KIAA0586: variants seen among roughly 807,000 people sequenced by gnomAD.
The protein encoded by KIAA0586 is protein TALPID3.
A neutral mutation model predicts 169.8 loss-of-function variants in KIAA0586; 144 were observed. That is an observed-to-expected ratio of 0.85 (90% CI 0.74 to 0.97). The LOEUF (loss-of-function observed/expected upper bound fraction) is 0.97. Ranked by LOEUF, KIAA0586 falls within the 50% of genes least tolerant of loss-of-function variation. The pLI is 0.00. For missense variants in KIAA0586, 1,854 were observed against 1,823.0 expected (o/e 1.02, Z -0.31); for synonymous variants, 625 against 612.4 (o/e 1.02, Z -0.30).
chr14:58,448,433 G>A lies in KIAA0586; in HGVS notation c.901G>A (p.Glu301Lys), dbSNP rs1489636451. The A allele has an allele frequency of 1.2e-6, 2 of 1,612,410 alleles. No individual in the cohort carries two copies. The highest frequency in any genetic ancestry group is 1.7e-6 in the Non-Finnish European group (2 of 1,178,790). Residue 301 changes from glutamate to lysine, a missense_variant, in exon 7 of 31, where the codon GAA (glutamate) becomes AAA (lysine). Transcript: ENST00000652326. ...RAVEKYSVKP[E>K]HPNLGSCNPS... ...AGTGGAAAAGTATTCCGTAAAACCAGAACACCCTAATCTTGGTAGCTGTAA... is the reference window on the plus strand; with the variant it reads ...AGTGGAAAAGTATTCCGTAAAACCAAAACACCCTAATCTTGGTAGCTGTAA...
intron 2 of KIAA0586, among the ~76,000 whole-genome samples, chr14:58,430,398 CAG>C (rs1010713942): frequency 2.0e-5 from 3 of 152,160 alleles, no homozygotes; most frequent in African/African-American, 7.2e-5. Context: ...GTCTGAATCT[CAG>C]TGCTACATTT....
chr14:58,432,250 C>T, intron 3 of KIAA0586, 138 bp from the exon 4 acceptor site: 2 of 583,654 alleles, frequency 3.4e-6, no homozygotes, highest in South Asian at 4.6e-5. Context: ...TAATTTGTTC[C>T]TTGTCCTTTT....
chr14:58,493,340 C>G (rs2042945847), intron 26 of KIAA0586, among the ~76,000 whole-genome samples: 1 of 152,088 alleles, frequency 6.6e-6, no homozygotes, highest in African/African-American at 2.4e-5. Flanking sequence ...TGTGGGGAAA[C>G]TAATGAGTTT....
downstream of KIAA0586, among the ~76,000 whole-genome samples, chr14:58,555,424 A>G (rs147023691): frequency 3.7e-4 from 56 of 152,222 alleles, no homozygotes; most frequent in East Asian, 2.5e-3. Flanking sequence ...TCATCAAGGA[A>G]CAGGTTCTAT....
intron 7 of KIAA0586, among the ~76,000 whole-genome samples, 152 bp downstream of exon 7, chr14:58,448,645 A>G (rs2039107219): frequency 6.6e-6 from 1 of 152,020 alleles, no homozygotes; most frequent in Admixed American, 6.6e-5. Context: ...AATTTTTTTA[A>G]ATGTTCTTTT....
rs368984896 is a variant in KIAA0586, at chr14:58,474,708, G to T, written c.2736G>T (p.Pro912=). The part of the protein sequence containing the change: ...DSTKYNGPPF[P]PVASTFQPTA... The stretch of plus-strand genomic sequence containing the variant: ...CAAAATATAATGGTCCTCCATTTCC[G>T]CCAGTTGCTTCTACTTTTCAGCCCA... The change falls in exon 19 of 31, where the codon CCG becomes CCT. Residue 912 remains proline (P), a synonymous_variant. Coordinates refer to ENST00000652326, the MANE Select transcript of KIAA0586 (RefSeq NM_001329943.3). The T allele has an allele frequency of 3.1e-6, 5 of 1,613,228 alleles. No homozygotes were observed. Among genetic ancestry groups the T allele is most frequent in the South Asian group, 1.1e-5 (1 of 91,038 alleles).
At chr14:58,507,292 C>A (rs955502624) in intron 27 of KIAA0586, among the ~76,000 whole-genome samples, 54 of 139,888 alleles carry the variant, frequency 3.9e-4, no homozygotes, top group Non-Finnish European at 6.4e-4. Flanking sequence ...ATATATATAT[C>A]ATGTGTATGA....
Position 58,482,711 on chromosome 14 carries a change from C to A in KIAA0586, c.3143C>A (p.Pro1048Gln). ...GDASTNETYL[P>Q]ARVCTPLPTP... ...GCTTCAACAAATGAAACATATTTGC[C>A]GGTATGGGGAATTTTTGAGACATTT... The change falls in exon 21 of 31, where the codon CCG (proline) becomes CAG (glutamine). Residue 1048 changes from proline to glutamine, a missense_variant and splice_region_variant. Transcript: ENST00000652326. 1 of 1,539,758 alleles carries A rather than the reference C, an allele frequency of 6.5e-7. No homozygotes were observed. The highest frequency in any genetic ancestry group is 8.8e-7 in the Non-Finnish European group (1 of 1,141,856).
At chr14:58,505,185 T>C (rs1307492907) in intron 27 of KIAA0586, among the ~76,000 whole-genome samples, 1 of 152,200 alleles carries the variant, frequency 6.6e-6, no homozygotes, top group Non-Finnish European at 1.5e-5. Context: ...GTATGTGTGA[T>C]TGCCATTATT....
intron 28 of KIAA0586, among the ~76,000 whole-genome samples, chr14:58,510,019 A>G (rs1328045635): frequency 6.6e-6 from 1 of 152,184 alleles, no homozygotes; most frequent in African/African-American, 2.4e-5. Context: ...AAAATGAACA[A>G]TAGATTTGGA....
rs189596193 is a variant in KIAA0586, at chr14:58,438,518, C to A, written c.411-4188C>A. On this transcript the variant is annotated intron_variant, in intron 4 of 30. Transcript: ENST00000652326. Reference sequence around the variant, plus strand: ...AAAGAAGTCCTGCTACCATTCCCAACCCCAGGTTGCTTACAGCTTAATTGG... The same window carrying A: ...AAAGAAGTCCTGCTACCATTCCCAAACCCAGGTTGCTTACAGCTTAATTGG... 3.9e-5 allele frequency among the ~76,000 whole-genome samples: 6 copies of A among 152,258 alleles called. 1 individual carries two copies. The East Asian group carries it at 1.2e-3, about 29-fold the overall frequency.
intron 29 of KIAA0586, among the ~76,000 whole-genome samples, chr14:58,526,594 A>T (rs1212077973): frequency 6.6e-6 from 1 of 152,220 alleles, no homozygotes; most frequent in African/African-American, 2.4e-5. Flanking sequence ...ATCCACAAAG[A>T]TGAGGAAAAA....
the KIAA0586 span, among the ~76,000 whole-genome samples, chr14:58,561,979 C>A: frequency 6.6e-6 from 1 of 152,208 alleles, no homozygotes; most frequent in East Asian, 1.9e-4. Context: ...GGGACTCCAA[C>A]TTTCCTTGGG....
At chr14:58,502,808 C>T (rs2043667328) in intron 27 of KIAA0586, among the ~76,000 whole-genome samples, 1 of 152,142 alleles carries the variant, frequency 6.6e-6, no homozygotes, top group Non-Finnish European at 1.5e-5. Flanking sequence ...CCTCTTGTTT[C>T]AAGATTTTCT....
At chr14:58,487,228 T>A in intron 22 of KIAA0586, 62 bp downstream of exon 22, 2 of 1,364,930 alleles carry the variant, frequency 1.5e-6, no homozygotes, top group South Asian at 2.7e-5. Flanking sequence ...TCATGATTTG[T>A]ATATGTACTT....
downstream of KIAA0586, among the ~76,000 whole-genome samples, chr14:58,556,219 C>CATTA (rs2047239974): frequency 6.6e-6 from 1 of 152,190 alleles, no homozygotes; most frequent in Admixed American, 6.5e-5. Context: ...AAGTCAGAGG[C>CATTA]ATTCATTCAT....
intron 5 of KIAA0586, 91 bp from the exon 6 acceptor site, chr14:58,443,863 A>C (rs1595115056): frequency 4.0e-6 from 3 of 755,848 alleles, no homozygotes; most frequent in Non-Finnish European, 4.4e-6. Flanking sequence ...TCACTTATCA[A>C]TGCCAATTGA....
At chr14:58,541,677 A>G (rs777631169) in intron 30 of KIAA0586, among the ~76,000 whole-genome samples, 1 of 152,222 alleles carries the variant, frequency 6.6e-6, no homozygotes, top group African/African-American at 2.4e-5. Context: ...ACATCCAAAA[A>G]CAGAAAACAT....
intron 30 of KIAA0586, among the ~76,000 whole-genome samples, chr14:58,542,273 T>A (rs894593754): frequency 3.9e-5 from 6 of 152,066 alleles, no homozygotes; most frequent in Admixed American, 6.6e-5. Flanking sequence ...GGTCAGGAGT[T>A]TGACATCAGC....
Sources: gnomAD v4.1 joint callset for allele counts (sites outside exome capture counted in the v4.1 genomes callset) on GRCh38, gnomAD v4.1.1 for gene constraint, MANE v1.5 for transcripts, NCBI Gene and HGNC (gene_info 2026-07-23, HGNC 2026-07-21) for gene names.